Variants in TSPAN9 observed in about 807,000 individuals in gnomAD.
The protein encoded by TSPAN9 is tetraspanin-9.
In TSPAN9, 16 loss-of-function variants were observed where a neutral mutation model predicts 31.0. That is an observed-to-expected ratio of 0.52 (90% confidence interval 0.35 to 0.78). The LOEUF is 0.78. TSPAN9 is among the 30% of genes least tolerant of loss of function. The pLI, the probability that TSPAN9 is intolerant of heterozygous loss-of-function variation, is 0.01. For missense variants in TSPAN9, 272 were observed against 312.5 expected (o/e 0.87, Z 0.98); for synonymous variants, 145 against 121.6 (o/e 1.19, Z -1.27).
chr12:3,082,955 G>T (rs974676715), intron 1 of TSPAN9, among the ~76,000 whole-genome samples: 10 of 152,204 alleles, frequency 6.6e-5, no homozygotes, highest in Non-Finnish European at 1.3e-4. Flanking sequence ...AATGAAGCTT[G>T]CACTTTCTGG....
rs1176113669 is a variant in TSPAN9, at chr12:3,170,986, T to G, written c.-17-30191T>G. On this transcript the variant is annotated intron_variant, in intron 2 of 8. Transcript: ENST00000011898. The surrounding 1 kb of genome is among the most constrained non-coding windows in gnomAD (Gnocchi z 4.4). The stretch of plus-strand genomic sequence containing the variant: ...CGTTGCCTCCCCACTCCTGTGTTCC[T>G]TTGTAGATCAACCAGGATTCTTCCT... Among the ~76,000 whole-genome samples, 3 of 152,300 alleles carry G rather than the reference T, an allele frequency of 2.0e-5. No homozygotes were observed. In the East Asian group the frequency reaches 5.8e-4, roughly 29 times the overall value.
chr12:3,100,127 A>G (rs2153964311), intron 2 of TSPAN9, among the ~76,000 whole-genome samples: 1 of 152,046 alleles, frequency 6.6e-6, no homozygotes, highest in East Asian at 1.9e-4. Flanking sequence ...TACAGGCTTG[A>G]GCCACCGCGC....
Position 3,192,278 on chromosome 12 carries a change from G to A in TSPAN9, c.-17-8899G>A, listed in dbSNP as rs1254030629. Among the ~76,000 whole-genome samples, 1 of 152,194 alleles carries A rather than the reference G, an allele frequency of 6.6e-6. No individual in the cohort carries two copies. Among genetic ancestry groups the A allele is most frequent in the Non-Finnish European group, 1.5e-5 (1 of 68,032 alleles). ...CCACTGATGAGGTTACAGTGGAGAG[G>A]CACATGAGTGGGAAGATTGCATTGG... On this transcript the variant is annotated intron_variant, in intron 2 of 8. Transcript: ENST00000011898. This position sits in a 1 kb window ranked among gnomAD's most constrained non-coding sequence, Gnocchi z 4.6.
chr12:3,274,813 C>T (rs762553500), intron 3 of TSPAN9, among the ~76,000 whole-genome samples: 5 of 152,230 alleles, frequency 3.3e-5, no homozygotes, highest in South Asian at 2.1e-4. Flanking sequence ...GCGTGGCACC[C>T]GCTGTACTGC....
At chr12:3,257,647 C>G (rs922116537) in intron 3 of TSPAN9, among the ~76,000 whole-genome samples, 1 of 152,046 alleles carries the variant, frequency 6.6e-6, no homozygotes, top group Non-Finnish European at 1.5e-5. Context: ...GCCCCCTCTT[C>G]GCTGGCATCT....
At chr12:3,262,372 C>CTTTTT (rs5796041) in intron 3 of TSPAN9, among the ~76,000 whole-genome samples, 1 of 147,772 alleles carries the variant, frequency 6.8e-6, no homozygotes, top group Non-Finnish European at 1.5e-5. Context: ...GGCTGCTGCT[C>CTTTTT]TTTTTTTTTT....
At chr12:3,082,647 G>C (rs558318935) in intron 1 of TSPAN9, among the ~76,000 whole-genome samples, 2 of 152,180 alleles carry the variant, frequency 1.3e-5, no homozygotes, top group Non-Finnish European at 1.5e-5. Flanking sequence ...GTGAGGGATG[G>C]TGAGGAGGCA....
intron 5 of TSPAN9, among the ~76,000 whole-genome samples, chr12:3,279,529 A>G (rs933798267): frequency 1.3e-5 from 2 of 152,242 alleles, no homozygotes; most frequent in Non-Finnish European, 2.9e-5. Context: ...TGTTTCCTGC[A>G]CTAGAGCCCT....
intron 3 of TSPAN9, among the ~76,000 whole-genome samples, chr12:3,231,378 G>T (rs1418922675): frequency 6.6e-6 from 1 of 152,176 alleles, no homozygotes; most frequent in African/African-American, 2.4e-5. Flanking sequence ...CACCACTGAA[G>T]ACATCAAACA....
At chr12:3,225,193 T>C (rs769126570) in intron 3 of TSPAN9, among the ~76,000 whole-genome samples, 4 of 152,054 alleles carry the variant, frequency 2.6e-5, no homozygotes, top group Non-Finnish European at 2.9e-5. Context: ...CAGCCTCCAG[T>C]TGGGGGACCG....
chr12:3,134,919 G>A (rs190130139), intron 2 of TSPAN9, among the ~76,000 whole-genome samples: 89 of 152,220 alleles, frequency 5.8e-4, no homozygotes, highest in Non-Finnish European at 1.1e-3. Flanking sequence ...GGAGGAAGAA[G>A]AACAATGTGG....
At chr12:3,131,266 G>A (rs1456641572) in intron 2 of TSPAN9, among the ~76,000 whole-genome samples, 1 of 152,164 alleles carries the variant, frequency 6.6e-6, no homozygotes, top group African/African-American at 2.4e-5. Context: ...GGCACCGCGT[G>A]GTTGAGTAAA....
At chr12:3,086,102 C>T (rs553463897) in intron 2 of TSPAN9, among the ~76,000 whole-genome samples, 5 of 152,246 alleles carry the variant, frequency 3.3e-5, no homozygotes, top group Non-Finnish European at 5.9e-5. Flanking sequence ...ATCATTTCAA[C>T]TTCAATCATA....
intron 2 of TSPAN9, among the ~76,000 whole-genome samples, chr12:3,085,458 A>G (rs1434347240): frequency 6.6e-6 from 1 of 151,388 alleles, no homozygotes; most frequent in East Asian, 1.9e-4. Flanking sequence ...AGTGAGGGAG[A>G]TGTGAGTGGA....
intron 3 of TSPAN9, among the ~76,000 whole-genome samples, chr12:3,271,767 C>T (rs1188747754): frequency 6.6e-6 from 1 of 152,152 alleles, no homozygotes; most frequent in Non-Finnish European, 1.5e-5. Context: ...CCCCTCCTGC[C>T]TCTCCCTTTA....
chr12:3,280,255 A>T lies in TSPAN9; in HGVS notation c.331-127A>T. ...CACCCCAGTGGGCAGGGCCTTCCAGACCAGCTGCCTTCCCTGCCTTCCTCA... is the reference window on the plus strand; with the variant it reads ...CACCCCAGTGGGCAGGGCCTTCCAGTCCAGCTGCCTTCCCTGCCTTCCTCA... On this transcript the variant is annotated intron_variant, in intron 5 of 8. Coordinates refer to ENST00000011898, the MANE Select transcript of TSPAN9 (RefSeq NM_006675.5). This position sits in a 1 kb window ranked among gnomAD's most constrained non-coding sequence, Gnocchi z 4.5. The T allele has an allele frequency of 1.2e-6, 1 of 822,842 alleles. No homozygotes were observed. Among genetic ancestry groups the T allele is most frequent in the East Asian group, 2.7e-5 (1 of 37,688 alleles). 51.0% of individuals were successfully genotyped at this position (822,842 alleles called of 1,614,324 possible). A position where few individuals can be genotyped will look rare whatever the true frequency, so the allele number is the denominator to read the frequency against.
intron 7 of TSPAN9, 56 bp downstream of exon 7, chr12:3,281,385 A>C: frequency 6.6e-7 from 1 of 1,510,028 alleles, no homozygotes; most frequent in Non-Finnish European, 8.9e-7. Context: ...ATGCCCCGGC[A>C]CGGGGAGCCC....
At chr12:3,232,466 A>T (rs7301785) in intron 3 of TSPAN9, among the ~76,000 whole-genome samples, 134,354 of 152,188 alleles carry the variant, frequency 0.88, 59,525 homozygotes, top group East Asian at 0.96. Flanking sequence ...CCCTGCCCTG[A>T]TGCTTTCCGT....
intron 3 of TSPAN9, among the ~76,000 whole-genome samples, chr12:3,259,211 A>G (rs1268068462): frequency 1.3e-5 from 2 of 152,190 alleles, no homozygotes; most frequent in African/African-American, 4.8e-5. Flanking sequence ...ACTGGAGTCC[A>G]CCGCCTTCAT....
Sources: gnomAD v4.1 joint callset for allele counts (sites outside exome capture counted in the v4.1 genomes callset) on GRCh38, gnomAD v4.1.1 for gene constraint, Gnocchi (gnomAD v3.1) non-coding constraint, MANE v1.5 for transcripts, NCBI Gene and HGNC (gene_info 2026-07-23, HGNC 2026-07-21) for gene names.